ALDH1L2: variants seen among roughly 807,000 people sequenced by gnomAD.
The protein encoded by ALDH1L2 is aldehyde dehydrogenase 1 family member L2.
In ALDH1L2, 91 loss-of-function variants were observed where a neutral mutation model predicts 111.0. That is an observed-to-expected ratio of 0.82 (90% CI 0.69 to 0.98). The LOEUF is 0.98. ALDH1L2 is among the 50% of genes least tolerant of loss of function. ALDH1L2 has a pLI of 0.00. For synonymous variants in ALDH1L2, 374 were observed against 392.6 expected (o/e 0.95, Z 0.56); for missense variants, 995 against 1,126.8 (o/e 0.88, Z 1.67).
At chr12:105,035,085 A>G (rs1342544344) in intron 18 of ALDH1L2, among the ~76,000 whole-genome samples, 2 of 152,154 alleles carry the variant, frequency 1.3e-5, no homozygotes, top group African/African-American at 4.8e-5. Flanking sequence ...AGTAGCTGGC[A>G]CTACAGGTGT....
chr12:105,043,636 T>G (rs1875672748), intron 15 of ALDH1L2, among the ~76,000 whole-genome samples: 1 of 152,256 alleles, frequency 6.6e-6, no homozygotes, highest in Non-Finnish European at 1.5e-5. Flanking sequence ...TTAATTATAA[T>G]TCTTTTAAAG....
At chr12:105,066,043 G>A (rs1592800360) in intron 5 of ALDH1L2, among the ~76,000 whole-genome samples, 1 of 152,130 alleles carries the variant, frequency 6.6e-6, no homozygotes, top group South Asian at 2.1e-4. Flanking sequence ...CGAATGCCTG[G>A]TCTCAAGTGA....
intron 18 of ALDH1L2, among the ~76,000 whole-genome samples, chr12:105,037,430 G>A (rs4964314): frequency 0.32 from 47,934 of 151,988 alleles, 8,261 homozygotes; most frequent in South Asian, 0.51. Context: ...TGTCTAAAAC[G>A]CTTACCAGAA....
intron 22 of ALDH1L2, among the ~76,000 whole-genome samples, chr12:105,025,908 T>C (rs1026850928): frequency 8.5e-5 from 13 of 152,222 alleles, no homozygotes; most frequent in African/African-American, 3.1e-4. Flanking sequence ...TACCTATTCC[T>C]CTGAGCTCGT....
At chr12:105,030,303 C>T (rs777745374) in intron 21 of ALDH1L2, 21 bp downstream of exon 21, 11 of 1,596,572 alleles carry the variant, frequency 6.9e-6, no homozygotes, top group South Asian at 1.1e-5. Context: ...ACCTAAGTTA[C>T]ATTGTGTCTG....
intron 21 of ALDH1L2, among the ~76,000 whole-genome samples, chr12:105,027,506 T>G (rs1437907802): frequency 1.3e-5 from 2 of 152,142 alleles, no homozygotes; most frequent in African/African-American, 4.8e-5. Context: ...AGTAGGGTGG[T>G]TCTGTGAGAG....
At position 105,024,326 on chromosome 12, in the gene ALDH1L2, G is replaced by T. The variant is rs772492508; in HGVS notation, c.*98C>A. On this transcript the variant is annotated 3_prime_UTR_variant, in exon 23 of 23. Coordinates refer to ENST00000258494, the MANE Select transcript of ALDH1L2 (RefSeq NM_001034173.4). The stretch of plus-strand genomic sequence containing the variant: ...GGTCCATCTGTGTATTTTTTGGTTT[G>T]TGGCTGACACCTCCTGCCTCAACAC... The T allele has an allele frequency of 3.5e-6, 5 of 1,441,534 alleles. No individual in the cohort carries two copies. The highest frequency in any genetic ancestry group is 2.4e-5 in the South Asian group (2 of 84,644). The allele number at this position is 1,441,534 out of a possible 1,614,324, so 89.3% of individuals were successfully genotyped here. A position where few individuals can be genotyped will look rare whatever the true frequency, so the allele number is the denominator to read the frequency against.
rs761063435 is a variant in ALDH1L2, at chr12:105,070,538, CAAAA to C, written c.428+28_428+31del. 9 of 1,133,800 alleles carry C rather than the reference CAAAA, an allele frequency of 7.9e-6. No individual in the cohort carries two copies. The East Asian group carries it at 2.2e-4, about 27-fold the overall frequency. The allele number at this position is 1,133,800 out of a possible 1,614,324, so 70.2% of individuals were successfully genotyped here. ...TGGGCAACATAGCAAGACCCCATCTCAAAAAAAAAAAGTAAAAAGAAAAAATCTC... is the reference window on the plus strand; with the variant it reads ...TGGGCAACATAGCAAGACCCCATCTCAAAAAAAGTAAAAAGAAAAAATCTC... On this transcript the variant is annotated intron_variant, in intron 3 of 22. Coordinates refer to ENST00000258494, the MANE Select transcript of ALDH1L2 (RefSeq NM_001034173.4).
chr12:105,061,573 A>C, intron 8 of ALDH1L2, 54 bp downstream of exon 8: 1 of 1,605,920 alleles, frequency 6.2e-7, no homozygotes, highest in Non-Finnish European at 8.5e-7. Context: ...ACCAGTTACG[A>C]ACATGCTTCA....
chr12:105,083,502 T>A (rs1878425829), intron 1 of ALDH1L2, among the ~76,000 whole-genome samples: 1 of 152,212 alleles, frequency 6.6e-6, no homozygotes, highest in Non-Finnish European at 1.5e-5. Context: ...GCCTCCAAGT[T>A]TTTTACATCT....
intron 9 of ALDH1L2, 75 bp from the exon 10 acceptor site, chr12:105,058,295 CAAGTTGTTTT>C: frequency 1.3e-6 from 2 of 1,483,894 alleles, no homozygotes; most frequent in Non-Finnish European, 1.8e-6. Context: ...TTGCACTTGT[CAAGTTGTTTT>C]GAGGTAAGAC....
chr12:105,045,732 C>T (rs927024638), intron 15 of ALDH1L2, among the ~76,000 whole-genome samples: 2 of 151,980 alleles, frequency 1.3e-5, no homozygotes, highest in Non-Finnish European at 2.9e-5. Context: ...ACAAAATGGC[C>T]GTGGCCACAT....
intron 17 of ALDH1L2, among the ~76,000 whole-genome samples, chr12:105,039,317 T>TA (rs11316153): frequency 6.6e-6 from 1 of 151,862 alleles, no homozygotes; most frequent in African/African-American, 2.4e-5. Flanking sequence ...GCTTACAGCT[T>TA]AAAAAAAAAT....
intron 20 of ALDH1L2, 94 bp downstream of exon 20, chr12:105,031,675 T>C (rs945953392): frequency 5.2e-5 from 78 of 1,503,128 alleles, no homozygotes; most frequent in Non-Finnish European, 7.0e-5. Context: ...GAGATGAAGT[T>C]TCACCATGTT....
At chr12:105,039,407 G>T (rs1768328266) in intron 17 of ALDH1L2, among the ~76,000 whole-genome samples, 2 of 152,038 alleles carry the variant, frequency 1.3e-5, no homozygotes, top group Admixed American at 6.6e-5. Context: ...TATCTTTTTG[G>T]TTTTTTACCC....
intron 15 of ALDH1L2, among the ~76,000 whole-genome samples, chr12:105,046,219 ATATTTTTTTTTT>A (rs1875894345): frequency 1.9e-3 from 51 of 27,402 alleles, no homozygotes; most frequent in African/African-American, 7.9e-3. Context: ...ATATATATAT[ATATTTTTTTTTT>A]TTTTTTTTTT....
In ALDH1L2 at chr12:105,046,886, C is replaced by T. The variant is rs1458017365; in HGVS notation, c.1757+13G>A. The T allele has an allele frequency of 3.7e-6, 6 of 1,613,956 alleles. No homozygotes were observed. The South Asian group carries it at 6.6e-5, about 18-fold the overall frequency. On this transcript the variant is annotated intron_variant, in intron 14 of 22. Coordinates refer to ENST00000258494, the MANE Select transcript of ALDH1L2 (RefSeq NM_001034173.4). Reference sequence around the variant, plus strand: ...AACTCATGATTCACTCAGAGGCACTCTCCTTATCTTACCCGAGTGGCTCTT... The same window carrying T: ...AACTCATGATTCACTCAGAGGCACTTTCCTTATCTTACCCGAGTGGCTCTT...
intron 10 of ALDH1L2, among the ~76,000 whole-genome samples, chr12:105,055,171 G>A (rs1876536308): frequency 6.6e-6 from 1 of 152,150 alleles, no homozygotes; most frequent in Non-Finnish European, 1.5e-5. Context: ...CAGGAAGTGT[G>A]AAGGTAAGGC....
At chr12:105,051,498 C>T (rs1592784694) in intron 12 of ALDH1L2, among the ~76,000 whole-genome samples, 1 of 152,206 alleles carries the variant, frequency 6.6e-6, no homozygotes, top group African/African-American at 2.4e-5. Context: ...ATAGCAGCTT[C>T]CCCCTGCTGC....
Sources: gnomAD v4.1 joint callset for allele counts (sites outside exome capture counted in the v4.1 genomes callset) on GRCh38, gnomAD v4.1.1 for gene constraint, MANE v1.5 for transcripts, NCBI Gene and HGNC (gene_info 2026-07-23, HGNC 2026-07-21) for gene names.